The following MRPS11 variants were observed in gnomAD, a reference collection of about 807,000 sequenced individuals.
MRPS11 encodes the protein small ribosomal subunit protein uS11m.
Under a neutral mutation model 24.3 loss-of-function variants are expected in MRPS11, and 27 were observed. The ratio of observed to expected loss-of-function variants is 1.11; its 90% CI spans 0.82 to 1.53. MRPS11 has a LOEUF of 1.53. Among genes scored for constraint, MRPS11 ranks in the 40% most tolerant of loss-of-function variants. MRPS11 has a pLI of 0.00. For missense variants in MRPS11, 277 were observed against 256.5 expected (o/e 1.08, Z -0.55); for synonymous variants, 104 against 98.7 (o/e 1.05, Z -0.32).
rs1567041994 is a variant in MRPS11 at position 88,467,798 on chromosome 15, C to T, written c.65+16C>T. On this transcript the variant is annotated intron_variant, in intron 1 of 5. Transcript: ENST00000325844. ...AGACAGCCGGGTAACAAATGACTGC[C>T]CCCTCGAGCCCACCGCCACCTCCAG... is the stretch of plus-strand genomic sequence containing the variant. 1 of 1,613,986 alleles carries T rather than the reference C, an allele frequency of 6.2e-7. No homozygotes were observed. The highest frequency in any genetic ancestry group is 2.2e-5 in the East Asian group (1 of 44,848).
rs1202203659 is a variant in MRPS11, at chr15:88,477,383, CAG to C, written c.477+330_477+331del. Among the ~76,000 whole-genome samples the C allele has an allele frequency of 6.6e-6, 1 of 152,204 alleles. No homozygotes were observed. Among genetic ancestry groups the C allele is most frequent in the Admixed American group, 6.5e-5 (1 of 15,286 alleles). ...TGTGCCCAGATCGCTGGGAGCCCAT[CAG>C]GGGATCCCGAACCTAGCAGGGATAA... On this transcript the variant is annotated intron_variant, in intron 5 of 5. Coordinates refer to ENST00000325844, the MANE Select transcript of MRPS11 (RefSeq NM_022839.5). This position sits in a 1 kb window ranked among gnomAD's most constrained non-coding sequence, Gnocchi z 5.7.
intron 4 of MRPS11, among the ~76,000 whole-genome samples, chr15:88,476,069 T>C (rs975093947): frequency 6.6e-6 from 1 of 152,202 alleles, no homozygotes; most frequent in South Asian, 2.1e-4. Flanking sequence ...CCAGTTCCAG[T>C]GTGAACTGTC....
Position 88,478,005 on chromosome 15 carries a change from T to TG in MRPS11, c.*27dup, listed in dbSNP as rs1196057275. On this transcript the variant is annotated 3_prime_UTR_variant, in exon 6 of 6. Coordinates refer to ENST00000325844, the MANE Select transcript of MRPS11 (RefSeq NM_022839.5). The surrounding 1 kb of genome is among the most constrained non-coding windows in gnomAD (Gnocchi z 4.7). Reference sequence around the variant, plus strand: ...TGGGAAGGAGGCCTGCACTTGGACCTGACCTCAAGCCTCAGCTCCAGTGGG... The same window carrying TG: ...TGGGAAGGAGGCCTGCACTTGGACCTGGACCTCAAGCCTCAGCTCCAGTGGG... The TG allele has an allele frequency of 1.3e-6, 2 of 1,586,426 alleles. No homozygotes were observed. Among genetic ancestry groups the TG allele is most frequent in the Admixed American group, 1.7e-5 (1 of 59,950 alleles).
Position 88,480,760 on chromosome 15 carries a change from G to A in MRPS11, c.*2781G>A. On this transcript the variant is annotated 3_prime_UTR_variant, in exon 6 of 6. Coordinates refer to ENST00000325844, the MANE Select transcript of MRPS11 (RefSeq NM_022839.5). This position sits in a 1 kb window ranked among gnomAD's most constrained non-coding sequence, Gnocchi z 5.1. Reference sequence around the variant, plus strand: ...TTCCAGGCTCTGAGTGGCCAATAAAGCTGGTGCTGTCTTAAACTGTACTGT... The same window carrying A: ...TTCCAGGCTCTGAGTGGCCAATAAAACTGGTGCTGTCTTAAACTGTACTGT... The A allele has an allele frequency of 6.6e-6, 1 of 152,280 alleles. No homozygotes were observed. Among genetic ancestry groups the A allele is most frequent in the Non-Finnish European group, 1.5e-5 (1 of 68,048 alleles). 9.4% of individuals were successfully genotyped at this position (152,280 alleles called of 1,614,324 possible). A position where few individuals can be genotyped will look rare whatever the true frequency, so the allele number is the denominator to read the frequency against.
intron 2 of MRPS11, 52 bp from the exon 3 acceptor site, chr15:88,472,575 G>T: frequency 6.8e-7 from 1 of 1,479,140 alleles, no homozygotes. Context: ...GTATTTCTTT[G>T]ATTTTTAAAA....
In MRPS11 at chr15:88,469,912, C is replaced by T. The variant is rs537373270; in HGVS notation, c.182+1888C>T. On this transcript the variant is annotated intron_variant, in intron 2 of 5. Transcript: ENST00000325844. This position sits in a 1 kb window ranked among gnomAD's most constrained non-coding sequence, Gnocchi z 4.4. ...TTGTTGGCCTAAACAACTGGAAAGA[C>T]GGAGTTGTCATTGATTAAGATGGGG... Among the ~76,000 whole-genome samples, 12 of 152,216 alleles carry T rather than the reference C, an allele frequency of 7.9e-5. No homozygotes were observed. Among genetic ancestry groups the T allele is most frequent in the Admixed American group, 3.3e-4 (5 of 15,288 alleles).
rs2055743238 is a variant in MRPS11 at position 88,472,808 on chromosome 15, C to T, written c.281+83C>T. 9 of 1,158,570 alleles carry T rather than the reference C, an allele frequency of 7.8e-6. No individual in the cohort carries two copies. The Middle Eastern group carries it at 6.2e-4, about 80-fold the overall frequency. The allele number at this position is 1,158,570 out of a possible 1,614,324, so 71.8% of individuals were successfully genotyped here. A position where few individuals can be genotyped will look rare whatever the true frequency, so the allele number is the denominator to read the frequency against. On this transcript the variant is annotated intron_variant, in intron 3 of 5. Transcript: ENST00000325844. ...GGAAAGTCAGGCTTGGCCCTGAATA[C>T]CCCGGGGTAGAAGTGAGGGTGCTAA...
chr15:88,468,364 G>A (rs1049188436), intron 2 of MRPS11: 6 of 1,124,638 alleles, frequency 5.3e-6, no homozygotes, highest in Middle Eastern at 4.1e-4. Context: ...AACAAAATGG[G>A]GAGGTAGAGG....
At position 88,475,102 on chromosome 15, in the gene MRPS11, T is replaced by C. The variant is rs116306686; in HGVS notation, c.282-8T>C. The C allele has an allele frequency of 2.2e-4, 350 of 1,614,140 alleles. 2 individuals carry two copies. In the African/African-American group the frequency reaches 4.1e-3, roughly 19 times the overall value. ...TTGTATCCTATGTGCTTCTTCTACT[T>C]TTCTCAGCACACAGATCCAGGTAGT... On this transcript the variant is annotated splice_region_variant and splice_polypyrimidine_tract_variant and intron_variant, in intron 3 of 5. Transcript: ENST00000325844. This position sits in a 1 kb window ranked among gnomAD's most constrained non-coding sequence, Gnocchi z 4.1.
Position 88,479,788 on chromosome 15 carries a change from A to G in MRPS11, c.*1809A>G, listed in dbSNP as rs1327801161. 6.6e-6 allele frequency: 1 copy of G among 152,298 alleles called. No individual in the cohort carries two copies. Among genetic ancestry groups the G allele is most frequent in the Non-Finnish European group, 1.5e-5 (1 of 68,070 alleles). The allele number at this position is 152,298 out of a possible 1,614,324, so 9.4% of individuals were successfully genotyped here. ...GGGCCCGTAGCCATCAGACAGTTCA[A>G]TCAGGGTCTGAGCAGGAAACAGCTC... On this transcript the variant is annotated 3_prime_UTR_variant, in exon 6 of 6. Transcript: ENST00000325844.
chr15:88,473,398 C>T (rs2142215003), intron 3 of MRPS11, among the ~76,000 whole-genome samples: 1 of 152,338 alleles, frequency 6.6e-6, no homozygotes, highest in Non-Finnish European at 1.5e-5. Flanking sequence ...ACAGCCAACC[C>T]ACCCAGCAAT....
Position 88,467,994 on chromosome 15 carries a change from A to T in MRPS11, c.152A>T (p.Gln51Leu), listed in dbSNP as rs749231754. The T allele has an allele frequency of 1.2e-6, 2 of 1,608,478 alleles. No individual in the cohort carries two copies. Among genetic ancestry groups the T allele is most frequent in the Non-Finnish European group, 1.7e-6 (2 of 1,177,832 alleles). Residue 51 changes from glutamine to leucine, a missense_variant, in exon 2 of 6, where the codon CAG becomes CTG. By Grantham distance (113) the Gln-to-Leu change is moderately radical. Coordinates refer to ENST00000325844, the MANE Select transcript of MRPS11 (RefSeq NM_022839.5). ...QDAAAKQKVEQNAAPSHTKFS... is the reference protein window; with the variant it reads ...QDAAAKQKVELNAAPSHTKFS... ...GCTGCGGCCAAGCAGAAAGTTGAACAGAACGCGGCTCCCAGCCACACCAAG... is the reference window on the plus strand; with the variant it reads ...GCTGCGGCCAAGCAGAAAGTTGAACTGAACGCGGCTCCCAGCCACACCAAG...
At position 88,472,638 on chromosome 15, in the gene MRPS11, C is replaced by T; in HGVS notation, c.194C>T (p.Pro65Leu). The T allele has an allele frequency of 6.2e-7, 1 of 1,613,182 alleles. No individual in the cohort carries two copies. The highest frequency in any genetic ancestry group is 8.5e-7 in the Non-Finnish European group (1 of 1,179,248). ...TCTTCTAATTGCAGCATTTACCCTCCCATTCCAGGAGAGGAGAGCTCTCTG... is the reference window on the plus strand; with the variant it reads ...TCTTCTAATTGCAGCATTTACCCTCTCATTCCAGGAGAGGAGAGCTCTCTG... ...PSHTKFSIYPPIPGEESSLRW... is the reference protein window; with the variant it reads ...PSHTKFSIYPLIPGEESSLRW... The change falls in exon 3 of 6, where the codon CCC (proline) becomes CTC (leucine). Residue 65 changes from proline to leucine, a missense_variant. Coordinates refer to ENST00000325844, the MANE Select transcript of MRPS11 (RefSeq NM_022839.5).
Position 88,478,309 on chromosome 15 carries a change from C to A in MRPS11, c.*330C>A, listed in dbSNP as rs749214749. The A allele has an allele frequency of 3.3e-4, 96 of 292,054 alleles. No individual in the cohort carries two copies. The highest frequency in any genetic ancestry group is 9.5e-4 in the Admixed American group (20 of 21,026). 18.1% of individuals were successfully genotyped at this position (292,054 alleles called of 1,614,324 possible). ...TTTCAGAGTTACGTAATTCCTAATT[C>A]CTCTTGAAAAAGAGAGTGTGAAATG... On this transcript the variant is annotated 3_prime_UTR_variant, in exon 6 of 6. Transcript: ENST00000325844. The surrounding 1 kb of genome is among the most constrained non-coding windows in gnomAD (Gnocchi z 4.7).
chr15:88,479,491 G>A lies in MRPS11; in HGVS notation c.*1512G>A, dbSNP rs574685922. The A allele has an allele frequency of 6.6e-6, 1 of 152,366 alleles. No homozygotes were observed. The highest frequency in any genetic ancestry group is 1.5e-5 in the Non-Finnish European group (1 of 68,064). The allele number at this position is 152,366 out of a possible 1,614,324, so 9.4% of individuals were successfully genotyped here. A position where few individuals can be genotyped will look rare whatever the true frequency, so the allele number is the denominator to read the frequency against. On this transcript the variant is annotated 3_prime_UTR_variant, in exon 6 of 6. Transcript: ENST00000325844. The stretch of plus-strand genomic sequence containing the variant: ...CCCCCTTAAATAGGCAAGAGGCTGT[G>A]TTAGGACAAAGAAAGGAGGAAGATC...
chr15:88,470,070 A>G (rs1646546321), intron 2 of MRPS11, among the ~76,000 whole-genome samples: 1 of 152,218 alleles, frequency 6.6e-6, no homozygotes, highest in South Asian at 2.1e-4. Context: ...TAATCCCAGC[A>G]CTTTGGGAGG....
rs906827268 is a variant in MRPS11, at chr15:88,467,765, T to C, written c.48T>C (p.Thr16=). 2 of 1,613,974 alleles carry C rather than the reference T, an allele frequency of 1.2e-6. No individual in the cohort carries two copies. The highest frequency in any genetic ancestry group is 2.7e-5 in the African/African-American group (2 of 74,906). ...GGTCGCGGTTCCTGCGGTCCTGGAC[T>C]TGGCCCCAGACAGCCGGGTAACAAA... ...NAGSRFLRSW[T]WPQTAGRVVA... Residue 16 remains threonine, a synonymous_variant, in exon 1 of 6, where the codon ACT becomes ACC. Transcript: ENST00000325844.
chr15:88,472,948 T>C (rs527518297), intron 3 of MRPS11, among the ~76,000 whole-genome samples: 1 of 152,368 alleles, frequency 6.6e-6, no homozygotes, highest in South Asian at 2.1e-4. Context: ...ATCCTAGTTA[T>C]AAGAATTCTT....
At chr15:88,471,802 C>G (rs577662218) in intron 2 of MRPS11, among the ~76,000 whole-genome samples, 8 of 152,310 alleles carry the variant, frequency 5.3e-5, no homozygotes, top group Admixed American at 2.6e-4. Context: ...GAACGCAACA[C>G]AATGTGTTCA....
Sources: allele counts gnomAD v4.1 joint callset (sites outside exome capture counted in the v4.1 genomes callset), GRCh38; gene constraint gnomAD v4.1.1; non-coding constraint Gnocchi (gnomAD v3.1); transcripts MANE v1.5; gene names NCBI Gene and HGNC (gene_info 2026-07-23, HGNC 2026-07-21).